FAM222B: variants seen among roughly 807,000 people sequenced by gnomAD.
The protein encoded by FAM222B is family with sequence similarity 222 member B.
Under a neutral mutation model 38.0 loss-of-function variants are expected in FAM222B, and 12 were observed. That is an observed-to-expected ratio of 0.32 (90% CI 0.20 to 0.51). The LOEUF is 0.51. FAM222B is among the 20% of genes least tolerant of loss of function. FAM222B has a pLI of 0.97. For synonymous variants in FAM222B, 329 were observed against 317.2 expected, an observed-to-expected ratio of 1.04 and a Z score of -0.40; for missense variants, 716 against 754.2, an observed-to-expected ratio of 0.95 and a Z score of 0.59.
chr17:28,825,600 C>T (rs1019020033), intron 1 of FAM222B, among the ~76,000 whole-genome samples: 1 of 152,068 alleles, frequency 6.6e-6, no homozygotes, highest in African/African-American at 2.4e-5. Context: ...ACATACCAAG[C>T]TCATTCCTCC....
chr17:28,846,232 G>A (rs1010957172), upstream of FAM222B, among the ~76,000 whole-genome samples: 5 of 150,842 alleles, frequency 3.3e-5, no homozygotes, highest in Non-Finnish European at 5.9e-5. Context: ...AGCTGGATGT[G>A]GTGGTGCACA....
rs150268145 is a variant in FAM222B, at chr17:28,813,736, C to T, written c.-41+28946G>A. Among the ~76,000 whole-genome samples the T allele has an allele frequency of 2.5e-3, 366 of 149,300 alleles. 2 individuals carry two copies. Among genetic ancestry groups the T allele is most frequent in the African/African-American group, 8.2e-3 (332 of 40,498 alleles). ...TTTTTTTTGTATTTTTTAGTAGAGA[C>T]GGGGTTTCACTGTGTTAGCCAGGAC... On this transcript the variant is annotated intron_variant, in intron 1 of 2. Transcript: ENST00000581407.
chr17:28,804,353 T>C (rs2037378359), intron 1 of FAM222B, among the ~76,000 whole-genome samples: 1 of 152,098 alleles, frequency 6.6e-6, no homozygotes, highest in Non-Finnish European at 1.5e-5. Flanking sequence ...TTTTTTTTTT[T>C]CAGGCACAGT....
At chr17:28,853,404 T>G (rs915400189) in intron 1 of FAM222B, among the ~76,000 whole-genome samples, 1 of 151,588 alleles carries the variant, frequency 6.6e-6, no homozygotes, top group Non-Finnish European at 1.5e-5. Context: ...GAAGAGAAAT[T>G]GAGGATAGCC....
At chr17:28,818,651 G>C (rs1445101032) in intron 1 of FAM222B, among the ~76,000 whole-genome samples, 1 of 152,150 alleles carries the variant, frequency 6.6e-6, no homozygotes, top group Non-Finnish European at 1.5e-5. Flanking sequence ...GTGCCAAAGG[G>C]AAACACTTGT....
At chr17:28,820,084 T>C (rs546317430) in intron 1 of FAM222B, among the ~76,000 whole-genome samples, 2 of 152,166 alleles carry the variant, frequency 1.3e-5, no homozygotes, top group Non-Finnish European at 2.9e-5. Flanking sequence ...GTTCTAAAAT[T>C]AGCAACACAC....
chr17:28,833,113 G>A (rs1239800274), intron 1 of FAM222B, among the ~76,000 whole-genome samples: 1 of 151,322 alleles, frequency 6.6e-6, no homozygotes, highest in Non-Finnish European at 1.5e-5. Context: ...ACAAGGTCAG[G>A]AGTTCGAGAC....
In FAM222B at chr17:28,758,867, G is replaced by A; in HGVS notation, c.1092C>T (p.Thr364=). Residue 364 remains threonine, a synonymous_variant, in exon 3 of 3, where the codon ACC becomes ACT. Transcript: ENST00000581407. ...GGTGGGCCAGCTGGTGCTGGTTCCA[G>A]GTGACTGGCTTGAGGTCGCTAGGGT... is the stretch of plus-strand genomic sequence containing the variant. ...TGYPSDLKPV[T]WNQHQLAHLQ... The A allele has an allele frequency of 6.2e-7, 1 of 1,607,042 alleles. No homozygotes were observed.
chr17:28,795,420 G>A (rs944814665), intron 1 of FAM222B, among the ~76,000 whole-genome samples: 1 of 152,122 alleles, frequency 6.6e-6, no homozygotes, highest in Admixed American at 6.6e-5. Context: ...GCTTACAGGT[G>A]TAAGCCACCG....
chr17:28,813,150 TACAAAAAAAAAAA>T (rs2037878024), intron 1 of FAM222B, among the ~76,000 whole-genome samples: 5 of 95,530 alleles, frequency 5.2e-5, no homozygotes, highest in African/African-American at 1.6e-4. Flanking sequence ...AACACACACA[TACAAAAAAAAAAA>T]ACACACATAG....
At chr17:28,820,777 G>T (rs1449467761) in intron 1 of FAM222B, among the ~76,000 whole-genome samples, 1 of 151,986 alleles carries the variant, frequency 6.6e-6, no homozygotes, top group Non-Finnish European at 1.5e-5. Context: ...GGAATTACAG[G>T]CGCCTGCCAC....
chr17:28,839,142 G>A (rs2038950417), intron 1 of FAM222B, among the ~76,000 whole-genome samples: 2 of 152,096 alleles, frequency 1.3e-5, no homozygotes, highest in Admixed American at 1.3e-4. Context: ...GGGAGGCGGA[G>A]CTTGCAGTGA....
chr17:28,796,636 A>G (rs1005451325), intron 1 of FAM222B, among the ~76,000 whole-genome samples: 1 of 152,174 alleles, frequency 6.6e-6, no homozygotes, highest in African/African-American at 2.4e-5. Context: ...TATACTAACA[A>G]TTTATCTTCT....
intron 2 of FAM222B, among the ~76,000 whole-genome samples, chr17:28,765,776 G>C (rs77480168): frequency 0.064 from 9,712 of 152,200 alleles, 886 homozygotes; most frequent in African/African-American, 0.21. Context: ...TCTGGGAAGT[G>C]TATTAGCAGG....
rs773970940 is a variant in FAM222B, at chr17:28,758,556, G to A, written c.1403C>T (p.Ser468Phe). The change falls in exon 3 of 3, where the codon TCT becomes TTT. Residue 468 changes from serine to phenylalanine, a missense_variant. Physicochemically the swap from Ser to Phe is radical, Grantham distance 155. Transcript: ENST00000581407. ...GTGGAACGGCATGGCAAGGTCCTGA[G>A]ACCCCGAGCTGTCGCTATTGGGAGT... ...LPTPNSDSSG[S>F]QDLAMPFHGG... The A allele has an allele frequency of 6.2e-7, 1 of 1,610,130 alleles. No individual in the cohort carries two copies. Among genetic ancestry groups the A allele is most frequent in the South Asian group, 1.1e-5 (1 of 91,084 alleles).
At chr17:28,800,853 GAAAAA>G (rs534314851) in intron 1 of FAM222B, among the ~76,000 whole-genome samples, 3 of 111,070 alleles carry the variant, frequency 2.7e-5, no homozygotes, top group East Asian at 2.6e-4. Context: ...ACATTTTGTT[GAAAAA>G]AAAAAAAAAA....
In FAM222B at chr17:28,812,165, A is replaced by G. The variant is rs1404253536; in HGVS notation, c.-41+30517T>C. The G allele has an allele frequency of 3.9e-5, 6 of 152,258 alleles. No homozygotes were observed. The East Asian group carries it at 1.2e-3, about 29-fold the overall frequency. The allele number at this position is 152,258 out of a possible 1,614,324, so 9.4% of individuals were successfully genotyped here. Reference sequence around the variant, plus strand: ...CATTTCCCCTTTTCTTACAAGGTTAAGTCGGCTGAAGTCGGGGTCGCGTTA... The same window carrying G: ...CATTTCCCCTTTTCTTACAAGGTTAGGTCGGCTGAAGTCGGGGTCGCGTTA... On this transcript the variant is annotated intron_variant, in intron 1 of 2. Transcript: ENST00000581407.
At chr17:28,787,409 C>A (rs1286954908) in intron 1 of FAM222B, among the ~76,000 whole-genome samples, 1 of 152,186 alleles carries the variant, frequency 6.6e-6, no homozygotes, top group Non-Finnish European at 1.5e-5. Flanking sequence ...TAACCTTTGT[C>A]AAAGGCTTCT....
At chr17:28,815,585 G>C (rs146075786) in intron 1 of FAM222B, among the ~76,000 whole-genome samples, 7 of 152,120 alleles carry the variant, frequency 4.6e-5, no homozygotes, top group African/African-American at 1.7e-4. Flanking sequence ...CCAGCACTTC[G>C]GGAGGTCAGG....
Sources: allele counts gnomAD v4.1 joint callset (sites outside exome capture counted in the v4.1 genomes callset), GRCh38; gene constraint gnomAD v4.1.1; transcripts MANE v1.5; gene names NCBI Gene and HGNC (gene_info 2026-07-23, HGNC 2026-07-21).